The following CACNA1E variants were observed in gnomAD, a reference collection of about 807,000 sequenced individuals.
CACNA1E encodes the protein calcium voltage-gated channel subunit alpha1 E.
In CACNA1E, 40 loss-of-function variants were observed where a neutral mutation model predicts 259.2. That is an observed-to-expected ratio of 0.15 (90% CI 0.12 to 0.20). The LOEUF (loss-of-function observed/expected upper bound fraction) is 0.20, where lower values mean the gene tolerates loss of function less well. Among genes scored for constraint, CACNA1E ranks in the 10% least tolerant of loss-of-function variants. The pLI is 1.00. For synonymous variants in CACNA1E, 1,104 were observed against 1,138.5 expected (o/e 0.97, Z 0.61); for missense variants, 1,874 against 3,040.1 (o/e 0.62, Z 9.02).
At chr1:181,674,496 C>A (rs1649170337) in intron 7 of CACNA1E, among the ~76,000 whole-genome samples, 1 of 151,660 alleles carries the variant, frequency 6.6e-6, no homozygotes, top group African/African-American at 2.4e-5. Context: ...ATTCAGTAGA[C>A]CCATAAATTA....
At position 181,342,422 on chromosome 1, in the gene CACNA1E, T is replaced by TA. The variant is rs1223178234; in HGVS notation, c.-15+24309dup. Among the ~76,000 whole-genome samples the TA allele has an allele frequency of 9.4e-3, 1,399 of 149,130 alleles. 10 individuals are homozygous for TA. The highest frequency in any genetic ancestry group is 0.018 in the East Asian group (92 of 5,078). On this transcript the variant is annotated intron_variant, in intron 1 of 11. Transcript: ENST00000524607. ...CTTGTAGCAACATCATTCATAACAG[T>TA]AAAAAAAAAATAACCCTGGGAATTA...
At chr1:181,466,441 A>G (rs1662163500) in intron 2 of CACNA1E, among the ~76,000 whole-genome samples, 1 of 152,060 alleles carries the variant, frequency 6.6e-6, no homozygotes, top group South Asian at 2.1e-4. Context: ...CCAGCTACTC[A>G]GGAGGCTGAG....
chr1:181,344,298 T>C (rs1652414970), intron 1 of CACNA1E, among the ~76,000 whole-genome samples: 1 of 152,182 alleles, frequency 6.6e-6, no homozygotes, highest in Admixed American at 6.5e-5. Flanking sequence ...ACATCAAACG[T>C]ACTTCCGTAC....
chr1:181,427,992 C>T (rs1210746157), intron 2 of CACNA1E, among the ~76,000 whole-genome samples: 3 of 152,110 alleles, frequency 2.0e-5, no homozygotes, highest in Non-Finnish European at 4.4e-5. Flanking sequence ...ACAGTTTATT[C>T]CAGCAACCCT....
intron 2 of CACNA1E, among the ~76,000 whole-genome samples, chr1:181,468,650 A>G (rs572648583): frequency 6.6e-6 from 1 of 152,322 alleles, no homozygotes; most frequent in Non-Finnish European, 1.5e-5. Context: ...AGGCAGGGTG[A>G]CATAAAGTGC....
chr1:181,382,097 A>G (rs1655496856), intron 1 of CACNA1E, among the ~76,000 whole-genome samples: 1 of 152,176 alleles, frequency 6.6e-6, no homozygotes, highest in Admixed American at 6.5e-5. Context: ...CGAAGGGGCT[A>G]TTTGGAATAG....
chr1:181,356,219 G>A (rs950841341), intron 1 of CACNA1E, among the ~76,000 whole-genome samples: 1 of 152,122 alleles, frequency 6.6e-6, no homozygotes, highest in African/African-American at 2.4e-5. Context: ...ATGACTTAGA[G>A]GTACTTGGAG....
At chr1:181,382,956 G>A (rs1331989383) in intron 1 of CACNA1E, among the ~76,000 whole-genome samples, 2 of 152,120 alleles carry the variant, frequency 1.3e-5, no homozygotes, top group Non-Finnish European at 2.9e-5. Context: ...CCAGAGACTG[G>A]CTCTGAGTAC....
At chr1:181,616,556 T>A (rs2103137278) in intron 6 of CACNA1E, among the ~76,000 whole-genome samples, 1 of 152,004 alleles carries the variant, frequency 6.6e-6, no homozygotes, top group Non-Finnish European at 1.5e-5. Flanking sequence ...ACTAAAAAAA[T>A]TACGAAAATT....
chr1:181,789,536 A>C (rs1466828032), intron 43 of CACNA1E, among the ~76,000 whole-genome samples: 1 of 151,672 alleles, frequency 6.6e-6, no homozygotes, highest in Non-Finnish European at 1.5e-5. Context: ...CCAGCCACTG[A>C]CCCCAGTCCT....
Position 181,357,321 on chromosome 1 carries a change from A to G in CACNA1E, c.-15+39198A>G, listed in dbSNP as rs187484337. 1.2e-3 allele frequency among the ~76,000 whole-genome samples: 177 copies of G among 152,220 alleles called. 1 individual carries two copies. The highest frequency in any genetic ancestry group is 4.1e-3 in the African/African-American group (171 of 41,536). Reference sequence around the variant, plus strand: ...GTTGCCTCACCATTGCCATGTTTAGAAGTCCTCAGGGGGGCATTTTGGGAA... The same window carrying G: ...GTTGCCTCACCATTGCCATGTTTAGGAGTCCTCAGGGGGGCATTTTGGGAA... On this transcript the variant is annotated intron_variant, in intron 1 of 11. Transcript: ENST00000524607.
At chr1:181,413,551 C>T (rs1040327465) in exon 2 of CACNA1E, 7 of 152,502 alleles carry the variant, frequency 4.6e-5, no homozygotes, top group African/African-American at 1.2e-4. Flanking sequence ...AGATGCAGAG[C>T]ACCCCGCAGG....
chr1:181,747,762 G>A (rs1572782938), intron 25 of CACNA1E, among the ~76,000 whole-genome samples: 1 of 152,310 alleles, frequency 6.6e-6, no homozygotes, highest in East Asian at 1.9e-4. Context: ...CCTCAATTAA[G>A]GTACTTGAAG....
At position 181,805,144 on chromosome 1, in the gene CACNA1E, A is replaced by G. The variant is rs1662545510; in HGVS notation, c.*6310A>G. ...GAGAATGGATTGCTGTCTACATTCTACAACCAGACCCTAGACTTTATACCA... is the reference window on the plus strand; with the variant it reads ...GAGAATGGATTGCTGTCTACATTCTGCAACCAGACCCTAGACTTTATACCA... On this transcript the variant is annotated 3_prime_UTR_variant, in exon 48 of 48. Coordinates refer to ENST00000367573, the MANE Select transcript of CACNA1E (RefSeq NM_001205293.3). The G allele has an allele frequency of 3.3e-5, 5 of 152,298 alleles. No individual in the cohort carries two copies. The South Asian group carries it at 1.0e-3, about 32-fold the overall frequency. The allele number at this position is 152,298 out of a possible 1,614,324, so 9.4% of individuals were successfully genotyped here.
chr1:181,457,812 C>T (rs61339068), intron 2 of CACNA1E, among the ~76,000 whole-genome samples: 52 of 152,228 alleles, frequency 3.4e-4, no homozygotes, highest in Non-Finnish European at 5.4e-4. Flanking sequence ...ATGTGGTTTG[C>T]GCATGACAAA....
chr1:181,702,165 C>T (rs1652331951), intron 7 of CACNA1E, among the ~76,000 whole-genome samples: 1 of 152,120 alleles, frequency 6.6e-6, no homozygotes, highest in East Asian at 1.9e-4. Flanking sequence ...CCCAAACCTG[C>T]TCCATTATCT....
intron 1 of CACNA1E, among the ~76,000 whole-genome samples, chr1:181,356,904 T>C (rs1653486134): frequency 6.6e-6 from 1 of 152,158 alleles, no homozygotes; most frequent in African/African-American, 2.4e-5. Flanking sequence ...CAAAATAACC[T>C]GGTTGCTCGA....
intron 1 of CACNA1E, among the ~76,000 whole-genome samples, chr1:181,496,602 G>T (rs1185484709): frequency 6.6e-6 from 1 of 152,190 alleles, no homozygotes; most frequent in East Asian, 1.9e-4. Flanking sequence ...TGCTGTGGGG[G>T]GAAGGGGAAA....
rs746008322 is a variant in CACNA1E, at chr1:181,758,862, C to T, written c.4599C>T (p.Gly1533=). The T allele has an allele frequency of 6.3e-7, 1 of 1,586,012 alleles. No individual in the cohort carries two copies. The highest frequency in any genetic ancestry group is 1.7e-5 in the Admixed American group (1 of 59,900). ...LECVLKVIAF[G]FLNYFRDTWN... is the part of the protein sequence containing the mutation. ...GTGTCCTGAAGGTCATCGCTTTTGG[C>T]TTTTTGGTATGTTGCTGAATCCTTC... Residue 1533 remains glycine (G), a synonymous_variant, in exon 32 of 48, where the codon GGC becomes GGT. Coordinates refer to ENST00000367573, the MANE Select transcript of CACNA1E (RefSeq NM_001205293.3). This position sits in a 1 kb window ranked among gnomAD's most constrained non-coding sequence, Gnocchi z 4.2.
Sources: gnomAD v4.1 joint callset for allele counts (sites outside exome capture counted in the v4.1 genomes callset) on GRCh38, gnomAD v4.1.1 for gene constraint, Gnocchi (gnomAD v3.1) non-coding constraint, MANE v1.5 for transcripts, NCBI Gene and HGNC (gene_info 2026-07-23, HGNC 2026-07-21) for gene names.